PARVB: variants seen among roughly 807,000 people sequenced by gnomAD.
PARVB encodes beta-parvin.
A neutral mutation model predicts 47.0 loss-of-function variants in PARVB; 46 were observed. That is an observed-to-expected ratio of 0.98 (90% CI 0.77 to 1.25). The LOEUF (loss-of-function observed/expected upper bound fraction) is 1.25, where lower values mean the gene tolerates loss of function less well. Ranked by LOEUF, PARVB falls within the 50% of genes most tolerant of loss-of-function variation. The pLI is 0.00. For missense variants in PARVB, 473 were observed against 471.6 expected, an observed-to-expected ratio of 1.00 and a Z score of -0.03; for synonymous variants, 196 against 196.3, an observed-to-expected ratio of 1.00 and a Z score of 0.01.
chr22:44,158,405 G>T (rs1033146738), intron 11 of PARVB, among the ~76,000 whole-genome samples: 2 of 152,202 alleles, frequency 1.3e-5, no homozygotes, highest in Non-Finnish European at 2.9e-5. Context: ...ACCACCTGTG[G>T]TTTTCCCTGC....
upstream of PARVB, among the ~76,000 whole-genome samples, chr22:44,023,522 T>TAAAACAAAACAAAAC (rs762269823): frequency 1.0e-5 from 1 of 98,818 alleles, no homozygotes; most frequent in South Asian, 3.1e-4. Context: ...AAAAATAAAA[T>TAAAACAAAACAAAAC]AAAATAAAAC....
At position 44,026,196 on chromosome 22, in the gene PARVB, A is replaced by G. The variant is rs117577313; in HGVS notation, c.112+1745A>G. ...ACTGGGCCCAAATTCCAAAGTACGC[A>G]GTGCTTCTCCTCCTTGCCTGTATGA... On this transcript the variant is annotated intron_variant, in intron 1 of 12. Transcript: ENST00000338758. 3.7e-3 allele frequency: 1,634 copies of G among 445,380 alleles called. 68 individuals are homozygous for G. The Admixed American group carries it at 0.067, about 18-fold the overall frequency. The allele number at this position is 445,380 out of a possible 1,614,324, so 27.6% of individuals were successfully genotyped here.
chr22:44,059,737 G>T (rs906305773), intron 1 of PARVB, among the ~76,000 whole-genome samples: 1 of 152,182 alleles, frequency 6.6e-6, no homozygotes, highest in Admixed American at 6.5e-5. Context: ...GAAAGATGCC[G>T]TACACATTTT....
intron 3 of PARVB, among the ~76,000 whole-genome samples, chr22:44,118,144 G>T (rs1428397469): frequency 6.6e-6 from 1 of 152,136 alleles, no homozygotes; most frequent in Non-Finnish European, 1.5e-5. Context: ...ACCTAAAAAG[G>T]GGTGATAACC....
chr22:44,086,826 G>A, intron 1 of PARVB: 1 of 985,432 alleles, frequency 1.0e-6, no homozygotes, highest in Non-Finnish European at 1.2e-6. Context: ...TCTGAGTACG[G>A]ATGGAAGTTG....
chr22:44,096,013 C>T (rs1053503143), intron 2 of PARVB, among the ~76,000 whole-genome samples: 1 of 152,164 alleles, frequency 6.6e-6, no homozygotes, highest in Non-Finnish European at 1.5e-5. Context: ...CACCTGACGT[C>T]AGGAGTTCGA....
chr22:44,056,943 G>A (rs1213773806), intron 1 of PARVB, among the ~76,000 whole-genome samples: 1 of 53,324 alleles, frequency 1.9e-5, no homozygotes, highest in Non-Finnish European at 3.7e-5. Flanking sequence ...TGAGCTGGGG[G>A]TGGAGCTGGG....
chr22:44,099,436 C>T (rs2052387633), intron 2 of PARVB, among the ~76,000 whole-genome samples: 1 of 152,186 alleles, frequency 6.6e-6, no homozygotes. Flanking sequence ...CTGTGGGATC[C>T]AGGCTGAAAC....
At chr22:44,009,009 A>G (rs765582716) in intron 2 of PARVB, among the ~76,000 whole-genome samples, 8 of 152,158 alleles carry the variant, frequency 5.3e-5, no homozygotes, top group African/African-American at 9.7e-5. Flanking sequence ...AAGTAAATAA[A>G]TAAATAAAGC....
At chr22:44,067,351 G>A (rs1280283608) in intron 1 of PARVB, among the ~76,000 whole-genome samples, 1 of 152,256 alleles carries the variant, frequency 6.6e-6, no homozygotes, top group Non-Finnish European at 1.5e-5. Flanking sequence ...GATTTTTCAA[G>A]TGCGTAGTTA....
chr22:44,008,127 G>A (rs1159907088), intron 2 of PARVB, among the ~76,000 whole-genome samples: 1 of 152,068 alleles, frequency 6.6e-6, no homozygotes, highest in South Asian at 2.1e-4. Flanking sequence ...TTGAGACAGA[G>A]TCTTGCTCTG....
chr22:44,134,967 G>A lies in PARVB; in HGVS notation c.634-1493G>A, dbSNP rs549584237. 3.9e-5 allele frequency among the ~76,000 whole-genome samples: 6 copies of A among 152,350 alleles called. No homozygotes were observed. The South Asian group carries it at 6.2e-4, about 16-fold the overall frequency. ...TGATCCTTGACTAGGTGAACACAAT[G>A]TCTGGACCTTCCTTGGCAGGCACTC... On this transcript the variant is annotated intron_variant, in intron 6 of 12. Transcript: ENST00000338758.
chr22:44,086,810 C>T lies in PARVB; in HGVS notation c.113-7118C>T, dbSNP rs1490900380. On this transcript the variant is annotated intron_variant, in intron 1 of 12. Transcript: ENST00000338758. Reference sequence around the variant, plus strand: ...AATTACAGCTTCTACGAAGAAACCACACCCCTCTGAGTACGGATGGAAGTT... The same window carrying T: ...AATTACAGCTTCTACGAAGAAACCATACCCCTCTGAGTACGGATGGAAGTT... 6.1e-6 allele frequency: 6 copies of T among 985,358 alleles called. No homozygotes were observed. In the African/African-American group the frequency reaches 1.0e-4, roughly 17 times the overall value. 61.0% of individuals were successfully genotyped at this position (985,358 alleles called of 1,614,324 possible).
chr22:44,029,264 C>A (rs533773978), intron 1 of PARVB, among the ~76,000 whole-genome samples: 1 of 152,140 alleles, frequency 6.6e-6, no homozygotes, highest in Admixed American at 6.5e-5. Flanking sequence ...GGATTACATG[C>A]GTGAGCCACA....
chr22:44,166,259 G>A (rs754557059), intron 12 of PARVB, among the ~76,000 whole-genome samples: 3 of 152,162 alleles, frequency 2.0e-5, no homozygotes, highest in South Asian at 4.1e-4. Flanking sequence ...ACAGGCACCC[G>A]CCACCATGCC....
chr22:44,051,337 G>T (rs1324217703), intron 1 of PARVB, among the ~76,000 whole-genome samples: 1 of 152,194 alleles, frequency 6.6e-6, no homozygotes, highest in Non-Finnish European at 1.5e-5. Flanking sequence ...GGGGATTGAT[G>T]ATGAGGTGGG....
chr22:44,047,435 C>G (rs1299887691), intron 1 of PARVB, among the ~76,000 whole-genome samples: 3 of 152,128 alleles, frequency 2.0e-5, no homozygotes, highest in African/African-American at 7.2e-5. Context: ...CCAAGGCAGG[C>G]AGATCACTTG....
intron 2 of PARVB, among the ~76,000 whole-genome samples, chr22:44,001,948 T>C (rs1052105553): frequency 1.3e-5 from 2 of 152,182 alleles, no homozygotes; most frequent in African/African-American, 2.4e-5. Context: ...GTAAAAGCGC[T>C]GAGATGTAAT....
At position 44,119,479 on chromosome 22, in the gene PARVB, G is replaced by A. The variant is rs570600613; in HGVS notation, c.376+339G>A. On this transcript the variant is annotated intron_variant, in intron 4 of 12. Coordinates refer to ENST00000338758, the MANE Select transcript of PARVB (RefSeq NM_013327.5). ...CTCCTTCGGTTCAGGATGGGAGGCA[G>A]CAGGAGGGAAGCGGGTCTGCAGCAA... 3.3e-5 allele frequency among the ~76,000 whole-genome samples: 5 copies of A among 152,354 alleles called. No individual in the cohort carries two copies. In the South Asian group the frequency reaches 6.2e-4, roughly 19 times the overall value.
Sources: allele counts gnomAD v4.1 joint callset (sites outside exome capture counted in the v4.1 genomes callset), GRCh38; gene constraint gnomAD v4.1.1; transcripts MANE v1.5; gene names NCBI Gene and HGNC (gene_info 2026-07-23, HGNC 2026-07-21).